Variants in TCF7 observed in about 807,000 individuals in gnomAD.
The protein encoded by TCF7 is transcription factor 7.
Under a neutral mutation model 46.8 loss-of-function variants are expected in TCF7, and 19 were observed. That is an observed-to-expected ratio of 0.41 (90% CI 0.28 to 0.60). The LOEUF (loss-of-function observed/expected upper bound fraction) is 0.60. TCF7 is among the 20% of genes least tolerant of loss of function. The pLI is 0.35. For synonymous variants in TCF7, 245 were observed against 213.4 expected (o/e 1.15, Z -1.29); for missense variants, 547 against 504.6 (o/e 1.08, Z -0.81).
chr5:134,135,536 A>G (rs1758744255), intron 3 of TCF7, among the ~76,000 whole-genome samples: 1 of 152,222 alleles, frequency 6.6e-6, no homozygotes, highest in Non-Finnish European at 1.5e-5. Context: ...GATATGGAGT[A>G]TCAGAGAAAA....
intron 3 of TCF7, among the ~76,000 whole-genome samples, chr5:134,116,853 G>A (rs978634851): frequency 3.3e-5 from 5 of 152,240 alleles, no homozygotes; most frequent in African/African-American, 1.2e-4. Context: ...TCCTCAGTTG[G>A]TCCAAGTTGG....
At chr5:134,138,031 C>T (rs749714755) in intron 3 of TCF7, 28 bp from the exon 4 acceptor site, 1 of 1,546,048 alleles carries the variant, frequency 6.5e-7, no homozygotes, top group Non-Finnish European at 8.8e-7. Context: ...ACTCGCCACA[C>T]TCACCCACCC....
chr5:134,142,749 A>G lies in TCF7; in HGVS notation c.784A>G (p.Lys262Glu), dbSNP rs1386274440. The change falls in exon 7 of 10, where the codon AAG (lysine) becomes GAG (glutamate). Residue 262 changes from lysine to glutamate, a missense_variant. Lys to Glu is a moderately conservative substitution (Grantham distance 56, BLOSUM62 1). Coordinates refer to ENST00000342854, the MANE Select transcript of TCF7 (RefSeq NM_003202.5). ...LKTQAESKAE[K>E]EAKKPTIKKP... The stretch of plus-strand genomic sequence containing the variant: ...GACACAAGCAGAGTCCAAGGCAGAG[A>G]AGGAGGCCAAGAAGCCAACCATCAA... 3.7e-6 allele frequency: 6 copies of G among 1,613,988 alleles called. No individual in the cohort carries two copies. The highest frequency in any genetic ancestry group is 2.2e-5 in the East Asian group (1 of 44,878).
intron 3 of TCF7, among the ~76,000 whole-genome samples, chr5:134,128,929 G>A (rs1437093920): frequency 2.0e-5 from 3 of 150,972 alleles, no homozygotes. Flanking sequence ...CCTCACCTAG[G>A]GCCAGGGGGA....
At chr5:134,129,357 C>T (rs114367117) in intron 3 of TCF7, among the ~76,000 whole-genome samples, 2,585 of 152,312 alleles carry the variant, frequency 0.017, 78 homozygotes, top group African/African-American at 0.059. Context: ...CTCCCCAGAT[C>T]CCTGTTTTCC....
chr5:134,118,792 T>C (rs544236899), intron 3 of TCF7, among the ~76,000 whole-genome samples: 1 of 152,214 alleles, frequency 6.6e-6, no homozygotes, highest in East Asian at 1.9e-4. Flanking sequence ...TGTGTTTGTG[T>C]TTTTTTAGAG....
At chr5:134,119,057 GA>G (rs1459805681) in intron 3 of TCF7, among the ~76,000 whole-genome samples, 3 of 152,314 alleles carry the variant, frequency 2.0e-5, no homozygotes, top group Admixed American at 6.5e-5. Flanking sequence ...GGTGAGTGGG[GA>G]GATAGTGAGC....
chr5:134,125,160 G>A (rs1757174128), intron 3 of TCF7, among the ~76,000 whole-genome samples: 1 of 152,210 alleles, frequency 6.6e-6, no homozygotes, highest in Admixed American at 6.5e-5. Flanking sequence ...GGGGAGGGAG[G>A]GACAGGTGAT....
At chr5:134,115,469 G>A in intron 2 of TCF7, 82 bp downstream of exon 2, 2 of 1,522,518 alleles carry the variant, frequency 1.3e-6, no homozygotes, top group Non-Finnish European at 1.8e-6. Context: ...GGACCGCGGG[G>A]AGCCGGGTGC....
At position 134,114,939 on chromosome 5, in the gene TCF7, G is replaced by T; in HGVS notation, c.33G>T (p.Ala11=). Residue 11 remains alanine, a synonymous_variant, in exon 1 of 10, where the codon GCG becomes GCT. Coordinates refer to ENST00000342854, the MANE Select transcript of TCF7 (RefSeq NM_003202.5). MPQLDSGGGG[A]GGGDDLGAPD... The stretch of plus-strand genomic sequence containing the variant: ...AGCTGGACTCCGGCGGGGGCGGCGC[G>T]GGCGGCGGCGACGACCTCGGCGCGC... 1 of 1,106,028 alleles carries T rather than the reference G, an allele frequency of 9.0e-7. No homozygotes were observed. 68.5% of individuals were successfully genotyped at this position (1,106,028 alleles called of 1,614,324 possible). A position where few individuals can be genotyped will look rare whatever the true frequency, so the allele number is the denominator to read the frequency against.
chr5:134,142,959 G>A lies in TCF7; in HGVS notation c.919-34G>A, dbSNP rs115128874. On this transcript the variant is annotated intron_variant, in intron 7 of 9. Coordinates refer to ENST00000342854, the MANE Select transcript of TCF7 (RefSeq NM_003202.5). ...GCCTGGTGCAGCCTGCTGACTCCCTGATGCACCCCACCTGCCCCTCTTCCC... is the reference window on the plus strand; with the variant it reads ...GCCTGGTGCAGCCTGCTGACTCCCTAATGCACCCCACCTGCCCCTCTTCCC... 1,071 of 1,613,184 alleles carry A rather than the reference G, an allele frequency of 6.6e-4. 3 individuals carry two copies. The African/African-American group carries it at 0.011, about 16-fold the overall frequency.
In TCF7 at chr5:134,114,693, G is replaced by C; in HGVS notation, c.-214G>C. ...CCCCGCCCCCGGCACTCGGCCGGCG[G>C]CGCCTTTGATGTTCCGACCCGCCAG... is the stretch of plus-strand genomic sequence containing the variant. On this transcript the variant is annotated 5_prime_UTR_variant, in exon 1 of 10. Transcript: ENST00000342854. 1 of 222,750 alleles carries C rather than the reference G, an allele frequency of 4.5e-6. No homozygotes were observed. The highest frequency in any genetic ancestry group is 7.4e-6 in the Non-Finnish European group (1 of 134,600). The allele number at this position is 222,750 out of a possible 1,614,324, so 13.8% of individuals were successfully genotyped here.
intron 3 of TCF7, 197 bp from the exon 4 acceptor site, chr5:134,137,862 G>A: frequency 2.3e-6 from 1 of 443,280 alleles, no homozygotes; most frequent in Non-Finnish European, 4.1e-6. Flanking sequence ...TCTAGGGGGT[G>A]GGACTGCTTG....
intron 3 of TCF7, among the ~76,000 whole-genome samples, chr5:134,131,998 C>T (rs1371999356): frequency 6.6e-6 from 1 of 152,254 alleles, no homozygotes; most frequent in Non-Finnish European, 1.5e-5. Flanking sequence ...GGTCCTAAAA[C>T]TTGGAGCATT....
chr5:134,135,371 G>A (rs140654650), intron 3 of TCF7, among the ~76,000 whole-genome samples: 139 of 152,300 alleles, frequency 9.1e-4, no homozygotes, highest in African/African-American at 2.9e-3. Context: ...GAGGACTGGC[G>A]GAGGGGCAGG....
At chr5:134,130,841 C>T (rs1451917956) in intron 3 of TCF7, among the ~76,000 whole-genome samples, 1 of 152,176 alleles carries the variant, frequency 6.6e-6, no homozygotes, top group East Asian at 1.9e-4. Context: ...CCCACCTGCA[C>T]TGGACTCAAC....
intron 3 of TCF7, among the ~76,000 whole-genome samples, chr5:134,134,647 G>A (rs776414905): frequency 7.2e-5 from 11 of 152,156 alleles, no homozygotes; most frequent in Non-Finnish European, 1.6e-4. Flanking sequence ...GAGAACTTTT[G>A]CATCTGTGAC....
chr5:134,137,956 C>T lies in TCF7; in HGVS notation c.442-103C>T, dbSNP rs1406673755. On this transcript the variant is annotated intron_variant, in intron 3 of 9. Transcript: ENST00000342854. ...CCTTCGCTGAGGCCTGTGGTTTTGG[C>T]CACCACTTTTCTTTGACAGCTGGGC... The T allele has an allele frequency of 4.1e-6, 4 of 987,638 alleles. No individual in the cohort carries two copies. The African/African-American group carries it at 5.0e-5, about 12-fold the overall frequency. 61.2% of individuals were successfully genotyped at this position (987,638 alleles called of 1,614,324 possible).
intron 8 of TCF7, 29 bp downstream of exon 8, chr5:134,143,129 T>C (rs1192954783): frequency 6.3e-7 from 1 of 1,575,636 alleles, no homozygotes; most frequent in Non-Finnish European, 8.6e-7. Context: ...ACAGCAGGGG[T>C]GGGCAGGGGA....
Sources: allele counts gnomAD v4.1 joint callset (sites outside exome capture counted in the v4.1 genomes callset), GRCh38; gene constraint gnomAD v4.1.1; transcripts MANE v1.5; gene names NCBI Gene and HGNC (gene_info 2026-07-23, HGNC 2026-07-21).